The following SEMA3A variants were observed in gnomAD, a reference collection of about 807,000 sequenced individuals.
SEMA3A encodes the protein semaphorin 3A.
In SEMA3A, 29 loss-of-function variants were observed where a neutral mutation model predicts 97.9. The observed-to-expected ratio is 0.30, with a 90% CI of 0.22 to 0.40. SEMA3A has a LOEUF of 0.40. Among genes scored for constraint, SEMA3A ranks in the 10% least tolerant of loss-of-function variants. SEMA3A has a pLI of 1.00. For synonymous variants in SEMA3A, 321 were observed against 323.7 expected (o/e 0.99, Z 0.09); for missense variants, 763 against 951.3 (o/e 0.80, Z 2.60).
At chr7:83,985,076 A>T (rs1427607596) in intron 13 of SEMA3A, among the ~76,000 whole-genome samples, 4 of 152,114 alleles carry the variant, frequency 2.6e-5, no homozygotes, top group Admixed American at 6.6e-5. Context: ...CTGAAATATC[A>T]CAATGCTATT....
At chr7:84,284,515 C>A (rs958000656) in intron 3 of SEMA3A, among the ~76,000 whole-genome samples, 6 of 152,106 alleles carry the variant, frequency 3.9e-5, no homozygotes, top group Non-Finnish European at 5.9e-5. Context: ...TGAGATCAGA[C>A]AAGGCTAGGG....
intron 2 of SEMA3A, among the ~76,000 whole-genome samples, chr7:84,326,799 A>G (rs1801786201): frequency 6.6e-6 from 1 of 152,024 alleles, no homozygotes; most frequent in African/African-American, 2.4e-5. Context: ...TCTCTTCCTT[A>G]CATCATATAC....
In SEMA3A at chr7:84,475,392, T is replaced by C. The variant is rs529809868; in HGVS notation, c.-246+17068A>G. 3.3e-5 allele frequency among the ~76,000 whole-genome samples: 5 copies of C among 152,294 alleles called. No individual in the cohort carries two copies. The South Asian group carries it at 1.0e-3, about 32-fold the overall frequency. On this transcript the variant is annotated intron_variant, in intron 1 of 3. Transcript: ENST00000424555. Reference sequence around the variant, plus strand: ...GTGGTGGTTTGTTTGGTTGCTGTTTTAAGGTTAAAAAATTCATAGGAAACA... The same window carrying C: ...GTGGTGGTTTGTTTGGTTGCTGTTTCAAGGTTAAAAAATTCATAGGAAACA...
chr7:84,144,824 C>A (rs1395103066), intron 1 of SEMA3A, among the ~76,000 whole-genome samples: 2 of 152,042 alleles, frequency 1.3e-5, no homozygotes, highest in East Asian at 3.9e-4. Context: ...TCAAACAAGG[C>A]GTGAATCAAA....
intron 1 of SEMA3A, among the ~76,000 whole-genome samples, chr7:84,152,635 A>C (rs1796711949): frequency 6.7e-6 from 1 of 149,166 alleles, no homozygotes; most frequent in Non-Finnish European, 1.5e-5. Flanking sequence ...TGGCACATGT[A>C]TACGTATGTA....
intron 2 of SEMA3A, among the ~76,000 whole-genome samples, chr7:84,132,313 TTTA>T (rs1187227711): frequency 6.6e-6 from 1 of 152,158 alleles, no homozygotes; most frequent in Admixed American, 6.5e-5. Context: ...AATTCATTAT[TTTA>T]AGATAGTTCA....
At chr7:83,994,857 C>T (rs1790138849) in intron 12 of SEMA3A, among the ~76,000 whole-genome samples, 1 of 152,066 alleles carries the variant, frequency 6.6e-6, no homozygotes, top group South Asian at 2.1e-4. Flanking sequence ...GTTGGAACTT[C>T]CCGGCTGCTT....
chr7:84,215,788 A>G (rs1047357778), intron 3 of SEMA3A, among the ~76,000 whole-genome samples: 2 of 152,196 alleles, frequency 1.3e-5, no homozygotes, highest in African/African-American at 2.4e-5. Context: ...ATAACTGGGG[A>G]AAATTAATGA....
chr7:84,357,448 C>A (rs1802592753), intron 2 of SEMA3A, among the ~76,000 whole-genome samples: 2 of 152,010 alleles, frequency 1.3e-5, no homozygotes, highest in Admixed American at 1.3e-4. Context: ...ATCCATGTCC[C>A]TACAAAGGAC....
chr7:84,102,365 A>C (rs1355664753), intron 4 of SEMA3A, among the ~76,000 whole-genome samples: 2 of 152,140 alleles, frequency 1.3e-5, no homozygotes, highest in Non-Finnish European at 2.9e-5. Context: ...CATTTTTTAA[A>C]CCACAAGCTA....
intron 3 of SEMA3A, among the ~76,000 whole-genome samples, chr7:84,272,337 T>C (rs189002175): frequency 1.3e-5 from 2 of 152,122 alleles, no homozygotes; most frequent in Admixed American, 1.3e-4. Flanking sequence ...AACCTTCAGA[T>C]GCTTGCCTCT....
intron 2 of SEMA3A, among the ~76,000 whole-genome samples, chr7:84,352,895 A>G (rs1802469506): frequency 6.6e-6 from 1 of 151,810 alleles, no homozygotes; most frequent in Non-Finnish European, 1.5e-5. Context: ...TCATGTATGA[A>G]AAGGTATGAA....
intron 2 of SEMA3A, among the ~76,000 whole-genome samples, chr7:84,363,938 G>A (rs1021122936): frequency 6.6e-6 from 1 of 151,708 alleles, no homozygotes; most frequent in Non-Finnish European, 1.5e-5. Flanking sequence ...CTACAGATGA[G>A]TGCCATCACC....
chr7:84,330,023 C>A (rs991895670), intron 2 of SEMA3A, among the ~76,000 whole-genome samples: 2 of 151,946 alleles, frequency 1.3e-5, no homozygotes, highest in Non-Finnish European at 2.9e-5. Context: ...ATATCAGATT[C>A]CCCACACTTT....
intron 3 of SEMA3A, among the ~76,000 whole-genome samples, chr7:84,242,550 A>G (rs1799388652): frequency 2.0e-5 from 3 of 152,170 alleles, no homozygotes; most frequent in South Asian, 4.1e-4. Flanking sequence ...TTCTAAATAT[A>G]CAATTATGTC....
chr7:84,028,791 T>C (rs7776524), intron 6 of SEMA3A, among the ~76,000 whole-genome samples: 59,176 of 151,898 alleles, frequency 0.39, 12,858 homozygotes, highest in Non-Finnish European at 0.5. Flanking sequence ...TTATTTTTTT[T>C]TGTATTTTTA....
At chr7:84,469,692 C>T (rs1806098638) in intron 1 of SEMA3A, among the ~76,000 whole-genome samples, 1 of 152,042 alleles carries the variant, frequency 6.6e-6, no homozygotes, top group Admixed American at 6.5e-5. Flanking sequence ...TAAAATCATT[C>T]TTCTAATGAA....
At chr7:84,434,993 G>C (rs921976978) in intron 1 of SEMA3A, among the ~76,000 whole-genome samples, 1 of 152,086 alleles carries the variant, frequency 6.6e-6, no homozygotes, top group Non-Finnish European at 1.5e-5. Context: ...ACATAGTACT[G>C]AAAGTTCTAG....
At chr7:84,360,209 T>C (rs1479185091) in intron 2 of SEMA3A, among the ~76,000 whole-genome samples, 2 of 152,162 alleles carry the variant, frequency 1.3e-5, no homozygotes, top group East Asian at 1.9e-4. Context: ...CTTGCTTCTC[T>C]AGTTCTTTTA....
Sources: allele counts gnomAD v4.1 joint callset (sites outside exome capture counted in the v4.1 genomes callset), GRCh38; gene constraint gnomAD v4.1.1; transcripts MANE v1.5; gene names NCBI Gene and HGNC (gene_info 2026-07-23, HGNC 2026-07-21).